NEURL1: variants seen among roughly 807,000 people sequenced by gnomAD.
NEURL1 encodes E3 ubiquitin-protein ligase NEURL1.
In NEURL1, 26 loss-of-function variants were observed where a neutral mutation model predicts 41.2. That is an observed-to-expected ratio of 0.63 (90% CI 0.46 to 0.87). NEURL1 has a LOEUF of 0.87. Among genes scored for constraint, NEURL1 ranks in the 40% least tolerant of loss-of-function variants. NEURL1 has a pLI of 0.00. For synonymous variants in NEURL1, 400 were observed against 402.3 expected (o/e 0.99, Z 0.07); for missense variants, 761 against 871.1 (o/e 0.87, Z 1.59).
intron 1 of NEURL1, among the ~76,000 whole-genome samples, chr10:103,526,622 C>T (rs943898457): frequency 3.9e-5 from 6 of 152,238 alleles, no homozygotes; most frequent in South Asian, 4.1e-4. Flanking sequence ...AGTGATTCTC[C>T]GGCCTCAGCC....
intron 1 of NEURL1, among the ~76,000 whole-genome samples, chr10:103,528,125 G>A (rs1356856080): frequency 6.6e-6 from 1 of 152,154 alleles, no homozygotes; most frequent in Non-Finnish European, 1.5e-5. Context: ...GGAGGCTGAG[G>A]TGGGTGGATC....
intron 1 of NEURL1, among the ~76,000 whole-genome samples, chr10:103,517,087 C>T (rs937807611): frequency 1.0e-4 from 15 of 147,298 alleles, no homozygotes; most frequent in Admixed American, 6.1e-4. Flanking sequence ...AGTACAGTGG[C>T]GTGATCTCGT....
intron 3 of NEURL1, 100 bp from the exon 4 acceptor site, chr10:103,584,436 C>A: frequency 1.4e-6 from 1 of 693,976 alleles, no homozygotes; most frequent in Non-Finnish European, 2.0e-6. Flanking sequence ...CATTAGCCAT[C>A]CGGGATTGTA....
intron 1 of NEURL1, among the ~76,000 whole-genome samples, chr10:103,518,562 A>G (rs1211321038): frequency 6.6e-6 from 1 of 152,216 alleles, no homozygotes; most frequent in African/African-American, 2.4e-5. Context: ...CCCTGGAGAG[A>G]AAGAAACCAT....
intron 1 of NEURL1, among the ~76,000 whole-genome samples, chr10:103,500,871 G>A (rs143287781): frequency 1.3e-5 from 2 of 152,212 alleles, no homozygotes; most frequent in African/African-American, 4.8e-5. Context: ...TGTTTAACAG[G>A]GTCCTCAAGA....
At chr10:103,534,272 C>T (rs1233078312) in intron 1 of NEURL1, among the ~76,000 whole-genome samples, 1 of 149,738 alleles carries the variant, frequency 6.7e-6, no homozygotes, top group African/African-American at 2.5e-5. Flanking sequence ...ATTTGGGTCT[C>T]TTACTAGTGA....
At chr10:103,579,628 C>G (rs2035743351) in intron 3 of NEURL1, among the ~76,000 whole-genome samples, 1 of 152,162 alleles carries the variant, frequency 6.6e-6, no homozygotes, top group Non-Finnish European at 1.5e-5. Flanking sequence ...ACTCTGGTAA[C>G]TGAATTGTAT....
Position 103,494,376 on chromosome 10 carries a change from G to C in NEURL1, c.-12G>C, listed in dbSNP as rs756815496. 1 of 1,576,238 alleles carries C rather than the reference G, an allele frequency of 6.3e-7. No individual in the cohort carries two copies. The highest frequency in any genetic ancestry group is 8.6e-7 in the Non-Finnish European group (1 of 1,160,798). Reference sequence around the variant, plus strand: ...CCACCCGCGAGCGCCGAACCTCCTGGGGCCGGATGCCATGGGTAACAACTT... The same window carrying C: ...CCACCCGCGAGCGCCGAACCTCCTGCGGCCGGATGCCATGGGTAACAACTT... On this transcript the variant is annotated 5_prime_UTR_variant, in exon 1 of 6. Transcript: ENST00000369780.
intron 1 of NEURL1, chr10:103,555,406 T>C (rs1333344121): frequency 1.5e-6 from 2 of 1,359,302 alleles, no homozygotes; most frequent in South Asian, 1.1e-5. Flanking sequence ...CCCGGAGCAC[T>C]CTCCACGGTA....
rs756184718 is a variant in NEURL1 at position 103,585,025 on chromosome 10, G to A, written c.1139G>A (p.Arg380His). The change falls in exon 4 of 6, where the codon CGC (arginine) becomes CAC (histidine). Residue 380 changes from arginine (R) to histidine (H), a missense_variant. Arg to His is a conservative substitution (Grantham distance 29, BLOSUM62 0). Transcript: ENST00000369780. ...TTCAGCCCTGAGGCCCTGGTGGACC[G>A]CAAGGAATTCTGGGCCGTGTGCCGC... Reference protein sequence around the residue: ...LPFSPEALVDRKEFWAVCRVP... With the variant: ...LPFSPEALVDHKEFWAVCRVP... 1 of 1,583,712 alleles carries A rather than the reference G, an allele frequency of 6.3e-7. No individual in the cohort carries two copies. Among genetic ancestry groups the A allele is most frequent in the Non-Finnish European group, 8.5e-7 (1 of 1,173,198 alleles).
intron 4 of NEURL1, 56 bp downstream of exon 4, chr10:103,585,281 CGGG>C: frequency 7.2e-7 from 1 of 1,390,168 alleles, no homozygotes; most frequent in South Asian, 1.5e-5. Context: ...GGGGACGATC[CGGG>C]TAGGAGACAA....
In NEURL1 at chr10:103,590,855, C is replaced by T. The variant is rs992871605; in HGVS notation, c.*483C>T. The T allele has an allele frequency of 1.1e-5, 2 of 186,938 alleles. No individual in the cohort carries two copies. The highest frequency in any genetic ancestry group is 2.4e-5 in the African/African-American group (1 of 42,546). The allele number at this position is 186,938 out of a possible 1,614,324, so 11.6% of individuals were successfully genotyped here. Reference sequence around the variant, plus strand: ...CTCATTTGCCCTCTCAGCCAACTGCCCTTGAGCAGTGTACAGCCTGCTCAA... The same window carrying T: ...CTCATTTGCCCTCTCAGCCAACTGCTCTTGAGCAGTGTACAGCCTGCTCAA... On this transcript the variant is annotated 3_prime_UTR_variant, in exon 6 of 6. Transcript: ENST00000369780.
At chr10:103,527,997 A>G (rs563676416) in intron 1 of NEURL1, among the ~76,000 whole-genome samples, 3 of 152,282 alleles carry the variant, frequency 2.0e-5, no homozygotes, top group Admixed American at 6.5e-5. Context: ...AGGTGGACCA[A>G]TCATCTCAGG....
chr10:103,505,813 C>T (rs982252369), intron 1 of NEURL1, among the ~76,000 whole-genome samples: 2 of 152,236 alleles, frequency 1.3e-5, no homozygotes, highest in Admixed American at 1.3e-4. Context: ...GGGCTGAGCC[C>T]TGGCCAGAGT....
chr10:103,522,373 C>T (rs1167981827), intron 1 of NEURL1, among the ~76,000 whole-genome samples: 1 of 151,448 alleles, frequency 6.6e-6, no homozygotes, highest in African/African-American at 2.4e-5. Context: ...CTTGGGAAGC[C>T]GAGGTGAGCG....
intron 1 of NEURL1, among the ~76,000 whole-genome samples, chr10:103,496,359 A>T (rs1054386730): frequency 6.6e-6 from 1 of 152,238 alleles, no homozygotes; most frequent in Non-Finnish European, 1.5e-5. Flanking sequence ...TGCTCACAGT[A>T]TAACGACAGA....
intron 3 of NEURL1, among the ~76,000 whole-genome samples, chr10:103,582,158 G>A (rs896108564): frequency 3.9e-5 from 6 of 152,092 alleles, no homozygotes; most frequent in East Asian, 1.9e-4. Context: ...ATCTCTGAGC[G>A]ACCTGATTCC....
At chr10:103,509,428 C>T (rs1269370314) in intron 1 of NEURL1, among the ~76,000 whole-genome samples, 1 of 152,110 alleles carries the variant, frequency 6.6e-6, no homozygotes, top group Non-Finnish European at 1.5e-5. Context: ...TCCTTGGCTA[C>T]AAACCTATAT....
At chr10:103,563,326 C>T (rs757548944) in intron 1 of NEURL1, among the ~76,000 whole-genome samples, 12 of 152,186 alleles carry the variant, frequency 7.9e-5, no homozygotes, top group African/African-American at 1.2e-4. Flanking sequence ...CTTCATTTTA[C>T]AGAGAAATAA....
Sources: gnomAD v4.1 joint callset for allele counts (sites outside exome capture counted in the v4.1 genomes callset) on GRCh38, gnomAD v4.1.1 for gene constraint, MANE v1.5 for transcripts, NCBI Gene and HGNC (gene_info 2026-07-23, HGNC 2026-07-21) for gene names.